DOCK2: variants seen among roughly 807,000 people sequenced by gnomAD.
The protein encoded by DOCK2 is dedicator of cytokinesis protein 2.
A neutral mutation model predicts 248.9 loss-of-function variants in DOCK2; 87 were observed. The observed-to-expected ratio is 0.35, with a 90% confidence interval of 0.29 to 0.42. The LOEUF (loss-of-function observed/expected upper bound fraction) is 0.42, where lower values mean the gene tolerates loss of function less well. DOCK2 is among the 10% of genes least tolerant of loss of function. The probability of loss-of-function intolerance (pLI) is 1.00; values close to 1 mark genes in which losing one functional copy is unlikely to be tolerated. For missense variants in DOCK2, 1,747 were observed against 2,300.2 expected (o/e 0.76, Z 4.92); for synonymous variants, 805 against 821.6 (o/e 0.98, Z 0.35).
At chr5:169,892,687 C>G (rs1773366560) in intron 27 of DOCK2, among the ~76,000 whole-genome samples, 1 of 152,226 alleles carries the variant, frequency 6.6e-6, no homozygotes, top group South Asian at 2.1e-4. Context: ...ACCTCCTCTT[C>G]ATTTTTATCC....
chr5:169,661,746 A>G (rs1027807494), intron 2 of DOCK2, among the ~76,000 whole-genome samples: 2 of 152,186 alleles, frequency 1.3e-5, no homozygotes, highest in Non-Finnish European at 2.9e-5. Flanking sequence ...TTCACTTAGC[A>G]TAATGTCTTC....
chr5:169,750,897 C>A (rs530242202), intron 23 of DOCK2, among the ~76,000 whole-genome samples: 4 of 152,288 alleles, frequency 2.6e-5, no homozygotes, highest in Middle Eastern at 3.4e-3. Context: ...GTCAGCAAAT[C>A]CCACACAAGG....
At chr5:169,683,285 A>G (rs975963885) in intron 7 of DOCK2, among the ~76,000 whole-genome samples, 3 of 152,144 alleles carry the variant, frequency 2.0e-5, no homozygotes, top group Non-Finnish European at 2.9e-5. Context: ...GCTGGAGTAT[A>G]ATGGTGTGAT....
intron 26 of DOCK2, among the ~76,000 whole-genome samples, chr5:169,832,975 AACACAGGG>A (rs1769322588): frequency 6.6e-6 from 1 of 152,166 alleles, no homozygotes; most frequent in African/African-American, 2.4e-5. Flanking sequence ...CCTTGGCATA[AACACAGGG>A]CCAAGGCTGC....
chr5:169,813,440 C>T (rs1251724870), intron 26 of DOCK2, among the ~76,000 whole-genome samples: 2 of 152,112 alleles, frequency 1.3e-5, no homozygotes, highest in South Asian at 2.1e-4. Flanking sequence ...AATTGGAAAA[C>T]GTTGCATATA....
chr5:170,031,569 G>A (rs992562826), intron 34 of DOCK2, among the ~76,000 whole-genome samples: 2 of 152,122 alleles, frequency 1.3e-5, no homozygotes, highest in African/African-American at 2.4e-5. Flanking sequence ...CTTAGCATGC[G>A]GTCTGGAACA....
chr5:169,958,875 A>G (rs940194301), intron 27 of DOCK2, among the ~76,000 whole-genome samples: 6 of 152,244 alleles, frequency 3.9e-5, no homozygotes, highest in South Asian at 2.1e-4. Context: ...AGAGTGGGGG[A>G]AAAACCTAGT....
chr5:169,807,447 C>A (rs887564073), intron 26 of DOCK2, among the ~76,000 whole-genome samples: 3 of 151,510 alleles, frequency 2.0e-5, no homozygotes, highest in East Asian at 3.9e-4. Context: ...CTTTTTTTTT[C>A]CTTTAGTATT....
At chr5:169,682,629 G>C (rs1418606798) in intron 7 of DOCK2, among the ~76,000 whole-genome samples, 1 of 152,044 alleles carries the variant, frequency 6.6e-6, no homozygotes, top group Non-Finnish European at 1.5e-5. Context: ...TAGCTACTCT[G>C]TGTTATTTGA....
At chr5:169,718,595 A>G in intron 21 of DOCK2, 62 bp from the exon 22 acceptor site, 1 of 1,567,370 alleles carries the variant, frequency 6.4e-7, no homozygotes, top group Non-Finnish European at 8.7e-7. Flanking sequence ...CTTATAATTT[A>G]CTGAGCAAAC....
At chr5:169,729,352 A>G (rs531401936) in intron 22 of DOCK2, among the ~76,000 whole-genome samples, 1 of 152,292 alleles carries the variant, frequency 6.6e-6, no homozygotes, top group African/African-American at 2.4e-5. Flanking sequence ...AAAATAATAT[A>G]TTGCTCACTC....
At position 170,067,572 on chromosome 5, in the gene DOCK2, G is replaced by A. The variant is rs766422443; in HGVS notation, c.4530G>A (p.Leu1510=). The part of the protein sequence containing the change: ...ETMSTANEKI[L]MMINQYQSDE... ...TGTCCACGGCCAATGAGAAGATCCTGATGATGATAAACCAGTACCAGAGTG... is the reference window on the plus strand; with the variant it reads ...TGTCCACGGCCAATGAGAAGATCCTAATGATGATAAACCAGTACCAGAGTG... Residue 1510 remains leucine, a synonymous_variant, in exon 45 of 52, where the codon CTG becomes CTA. Coordinates refer to ENST00000520908, the MANE Select transcript of DOCK2 (RefSeq NM_004946.3). 1 of 1,614,170 alleles carries A rather than the reference G, an allele frequency of 6.2e-7. No individual in the cohort carries two copies. Among genetic ancestry groups the A allele is most frequent in the Non-Finnish European group, 8.5e-7 (1 of 1,180,018 alleles).
At chr5:170,024,912 C>G (rs1250158209) in intron 33 of DOCK2, among the ~76,000 whole-genome samples, 2 of 152,168 alleles carry the variant, frequency 1.3e-5, no homozygotes, top group African/African-American at 4.8e-5. Flanking sequence ...TCCTGGCAGG[C>G]TCTTTTGTGA....
chr5:169,717,991 G>T (rs1373834189), intron 21 of DOCK2, among the ~76,000 whole-genome samples: 3 of 152,218 alleles, frequency 2.0e-5, no homozygotes, highest in Admixed American at 2.0e-4. Flanking sequence ...GAACCCTGGA[G>T]GTGGAGATTG....
At chr5:169,660,982 AAT>A (rs1292652221) in intron 2 of DOCK2, among the ~76,000 whole-genome samples, 1 of 152,130 alleles carries the variant, frequency 6.6e-6, no homozygotes, top group Non-Finnish European at 1.5e-5. Context: ...GCAAAAAAAA[AAT>A]GATATTATAA....
intron 32 of DOCK2, among the ~76,000 whole-genome samples, chr5:170,013,555 A>G (rs973495723): frequency 1.3e-5 from 2 of 152,016 alleles, no homozygotes; most frequent in African/African-American, 2.4e-5. Flanking sequence ...GGAAGGGGCC[A>G]TGAACCAAGG....
chr5:170,049,721 T>A (rs1756847906), intron 40 of DOCK2, among the ~76,000 whole-genome samples: 2 of 152,286 alleles, frequency 1.3e-5, no homozygotes, highest in African/African-American at 4.8e-5. Context: ...CCAAAAAACG[T>A]TTCCAGATAC....
intron 30 of DOCK2, among the ~76,000 whole-genome samples, chr5:169,997,080 G>A (rs148099522): frequency 0.035 from 5,239 of 151,252 alleles, 303 homozygotes; most frequent in African/African-American, 0.12. Context: ...TCGAAGAGGG[G>A]GATGTGTCAG....
In DOCK2 at chr5:170,055,348, C is replaced by T; in HGVS notation, c.4257C>T (p.Pro1419=). 2 of 1,614,078 alleles carry T rather than the reference C, an allele frequency of 1.2e-6. No individual in the cohort carries two copies. Among genetic ancestry groups the T allele is most frequent in the Non-Finnish European group, 1.7e-6 (2 of 1,179,934 alleles). ...TCCAGCCTGTCTTGGATGAACATCCCAGGTTCAAGAATAAGCCAGTGCCTG... is the reference window on the plus strand; with the variant it reads ...TCCAGCCTGTCTTGGATGAACATCCTAGGTTCAAGAATAAGCCAGTGCCTG... ...FTVQPVLDEH[P]RFKNKPVPDQ... The change falls in exon 42 of 52, where the codon CCC becomes CCT. Residue 1419 remains proline, a synonymous_variant. Coordinates refer to ENST00000520908, the MANE Select transcript of DOCK2 (RefSeq NM_004946.3).
Sources: allele counts gnomAD v4.1 joint callset (sites outside exome capture counted in the v4.1 genomes callset), GRCh38; gene constraint gnomAD v4.1.1; transcripts MANE v1.5; gene names NCBI Gene and HGNC (gene_info 2026-07-23, HGNC 2026-07-21).